Variants in BEND6 observed in about 807,000 individuals in gnomAD.
BEND6 encodes the protein BEN domain-containing protein 6.
A neutral mutation model predicts 31.8 loss-of-function variants in BEND6; 24 were observed. That is an observed-to-expected ratio of 0.75 (90% CI 0.55 to 1.06). The LOEUF (loss-of-function observed/expected upper bound fraction) is 1.06. Among genes scored for constraint, BEND6 ranks in the 50% least tolerant of loss-of-function variants. BEND6 has a pLI of 0.00. For missense variants in BEND6, 294 were observed against 327.4 expected (o/e 0.90, Z 0.79); for synonymous variants, 109 against 114.6 (o/e 0.95, Z 0.31).
At chr6:56,976,212 T>TC (rs1414707930) in intron 1 of BEND6, 1 of 182,656 alleles carries the variant, frequency 5.5e-6, no homozygotes, top group African/African-American at 2.4e-5. Flanking sequence ...TTTTTTTTTT[T>TC]TGAGATACAG....
chr6:56,966,580 G>A (rs1342718262), intron 1 of BEND6, among the ~76,000 whole-genome samples: 1 of 152,168 alleles, frequency 6.6e-6, no homozygotes, highest in African/African-American at 2.4e-5. Context: ...TGTGCCTGCA[G>A]GCTTTTTATT....
At chr6:57,013,025 C>T (rs1169952627) in intron 3 of BEND6, among the ~76,000 whole-genome samples, 1 of 152,194 alleles carries the variant, frequency 6.6e-6, no homozygotes, top group Admixed American at 6.5e-5. Context: ...CCACCCAAGT[C>T]AAGCCCTCCC....
At chr6:57,010,786 G>A in intron 3 of BEND6, 1 of 842,372 alleles carries the variant, frequency 1.2e-6, no homozygotes. Context: ...TGATGAATGA[G>A]TAAGTATAAA....
intron 3 of BEND6, 65 bp from the exon 4 acceptor site, chr6:57,015,068 A>T: frequency 7.2e-7 from 1 of 1,396,488 alleles, no homozygotes; most frequent in Non-Finnish European, 9.9e-7. Flanking sequence ...CTCAACAAAA[A>T]AATATGTACA....
intron 1 of BEND6, among the ~76,000 whole-genome samples, chr6:56,970,469 A>G (rs62417384): frequency 0.21 from 32,632 of 151,996 alleles, 3,652 homozygotes; most frequent in Middle Eastern, 0.23. Flanking sequence ...ACCACCACAC[A>G]CTGCCCCAAC....
chr6:57,001,522 C>T (rs1180605763), intron 3 of BEND6, among the ~76,000 whole-genome samples: 5 of 152,124 alleles, frequency 3.3e-5, no homozygotes, highest in African/African-American at 4.8e-5. Context: ...CAGGGAACCC[C>T]ATCAGGTGAA....
At chr6:56,996,128 A>T (rs898749134) in intron 3 of BEND6, among the ~76,000 whole-genome samples, 2 of 152,040 alleles carry the variant, frequency 1.3e-5, no homozygotes, top group African/African-American at 4.8e-5. Flanking sequence ...TCTCTAGATG[A>T]CCGTCTCCAA....
intron 1 of BEND6, among the ~76,000 whole-genome samples, chr6:56,958,303 G>A (rs13214032): frequency 6.6e-6 from 1 of 152,126 alleles, no homozygotes; most frequent in Non-Finnish European, 1.5e-5. Context: ...AAAGGCGGCA[G>A]AAACATCTTC....
In BEND6 at chr6:57,019,314, A is replaced by G. The variant is rs549116861; in HGVS notation, c.*9+757A>G. 3.9e-5 allele frequency among the ~76,000 whole-genome samples: 6 copies of G among 152,288 alleles called. No homozygotes were observed. In the South Asian group the frequency reaches 1.2e-3, roughly 32 times the overall value. Reference sequence around the variant, plus strand: ...CTTTTACTTACCCCTCCTCTCTCTCAACTATTTTGATGGAAAATACGTGAA... The same window carrying G: ...CTTTTACTTACCCCTCCTCTCTCTCGACTATTTTGATGGAAAATACGTGAA... On this transcript the variant is annotated intron_variant, in intron 6 of 6. Transcript: ENST00000370746.
chr6:56,998,092 A>G (rs901094256), intron 3 of BEND6, among the ~76,000 whole-genome samples: 2 of 152,146 alleles, frequency 1.3e-5, no homozygotes, highest in African/African-American at 4.8e-5. Flanking sequence ...GCAAAAAAAG[A>G]TTACGTTTTG....
chr6:57,021,266 T>G (rs946296292), intron 6 of BEND6, among the ~76,000 whole-genome samples: 3 of 152,210 alleles, frequency 2.0e-5, no homozygotes, highest in African/African-American at 7.2e-5. Flanking sequence ...TGGACATGCT[T>G]GATAAATTAA....
At chr6:56,979,055 G>T (rs111469769) in intron 1 of BEND6, among the ~76,000 whole-genome samples, 1 of 152,130 alleles carries the variant, frequency 6.6e-6, no homozygotes, top group African/African-American at 2.4e-5. Context: ...ACTCAGATTT[G>T]CAATGGATAT....
intron 3 of BEND6, chr6:57,009,350 C>T (rs1203722787): frequency 1.3e-5 from 2 of 152,128 alleles, no homozygotes; most frequent in African/African-American, 4.8e-5. Context: ...CTGATCTGAC[C>T]TTTATACATT....
intron 4 of BEND6, 131 bp downstream of exon 4, chr6:57,015,484 C>T (rs1359728862): frequency 3.1e-6 from 3 of 963,270 alleles, no homozygotes; most frequent in Middle Eastern, 3.3e-4. Context: ...AGGAATATTA[C>T]AATTCTTAAG....
intron 3 of BEND6, chr6:57,010,964 A>C: frequency 2.6e-6 from 1 of 384,938 alleles, no homozygotes; most frequent in Non-Finnish European, 3.6e-6. Context: ...GGGAGTTAAT[A>C]ATAAAGCTAA....
Position 56,992,419 on chromosome 6 carries a change from C to T in BEND6, c.162C>T (p.Ser54=). The T allele has an allele frequency of 1.9e-6, 3 of 1,613,672 alleles. No individual in the cohort carries two copies. Among genetic ancestry groups the T allele is most frequent in the Non-Finnish European group, 2.5e-6 (3 of 1,179,940 alleles). Residue 54 remains serine, a synonymous_variant, in exon 3 of 7, where the codon AGC becomes AGT. Transcript: ENST00000370746. ...GAAATGCCTTTCTGCCTGGTGAAAGCTCCAGTGAGGATGAAGAGCCTTTAG... is the reference window on the plus strand; with the variant it reads ...GAAATGCCTTTCTGCCTGGTGAAAGTTCCAGTGAGGATGAAGAGCCTTTAG... The part of the protein sequence containing the change: ...YSGNAFLPGE[S]SSEDEEPLAE...
chr6:56,968,312 C>CTTTTTTTTTTTTTTTTTT (rs779756084), intron 1 of BEND6, among the ~76,000 whole-genome samples: 2 of 65,982 alleles, frequency 3.0e-5, no homozygotes, highest in Non-Finnish European at 5.1e-5. Context: ...TCTTTCTTTT[C>CTTTTTTTTTTTTTTTTTT]TTTTTTTTTT....
At chr6:57,014,601 CACAGGT>C (rs1827464812) in intron 3 of BEND6, 1 of 1,125,266 alleles carries the variant, frequency 8.9e-7, no homozygotes, top group Non-Finnish European at 1.2e-6. Context: ...TATATCACAA[CACAGGT>C]TTGAATTGTG....
intron 3 of BEND6, chr6:57,004,800 C>G (rs1827093830): frequency 8.1e-6 from 7 of 860,726 alleles, no homozygotes; most frequent in Non-Finnish European, 1.4e-5. Context: ...AATTGGGTGA[C>G]CAATTAGGAT....
Sources: gnomAD v4.1 joint callset for allele counts (sites outside exome capture counted in the v4.1 genomes callset) on GRCh38, gnomAD v4.1.1 for gene constraint, MANE v1.5 for transcripts, NCBI Gene and HGNC (gene_info 2026-07-23, HGNC 2026-07-21) for gene names.